COA8: variants seen among roughly 807,000 people sequenced by gnomAD.
COA8 encodes cytochrome c oxidase assembly factor 8, also known as UPF0671 protein C14orf153.
Under a neutral mutation model 22.0 loss-of-function variants are expected in COA8, and 20 were observed. That is an observed-to-expected ratio of 0.91 (90% confidence interval 0.64 to 1.32). The LOEUF (loss-of-function observed/expected upper bound fraction) is 1.32, where lower values mean the gene tolerates loss of function less well. Ranked by LOEUF, COA8 falls within the 40% of genes most tolerant of loss-of-function variation. The pLI is 0.00. For synonymous variants in COA8, 105 were observed against 79.9 expected, an observed-to-expected ratio of 1.31 and a Z score of -1.68; for missense variants, 266 against 230.0, an observed-to-expected ratio of 1.16 and a Z score of -1.01.
chr14:103,589,187 A>G (rs961320544), intron 4 of COA8, among the ~76,000 whole-genome samples: 2 of 152,152 alleles, frequency 1.3e-5, no homozygotes, highest in Admixed American at 1.3e-4. Flanking sequence ...TTGCTTTTAC[A>G]TGTCATAGAA....
rs759061929 is a variant in COA8 at position 103,563,010 on chromosome 14, C to T, written c.9C>T (p.Val3=). ...CCAGGGGGCGTGGGGCCATGGTGGTCTTGCGGGCGGGGAAGAAGACCTTTC... is the reference window on the plus strand; with the variant it reads ...CCAGGGGGCGTGGGGCCATGGTGGTTTTGCGGGCGGGGAAGAAGACCTTTC... MV[V]LRAGKKTFLP... is the part of the protein sequence containing the mutation. Residue 3 remains valine, a synonymous_variant, in exon 1 of 5, where the codon GTC becomes GTT. Transcript: ENST00000409074. 5.8e-6 allele frequency: 9 copies of T among 1,558,460 alleles called. No homozygotes were observed. Among genetic ancestry groups the T allele is most frequent in the South Asian group, 2.3e-5 (2 of 86,432 alleles).
rs139436329 is a variant in COA8 at position 103,574,222 on chromosome 14, T to A, written c.385+52T>A. The A allele has an allele frequency of 1.9e-3, 2,995 of 1,607,716 alleles. 39 individuals carry two copies. Among genetic ancestry groups the A allele is most frequent in the Admixed American group, 0.011 (644 of 59,930 alleles). On this transcript the variant is annotated intron_variant, in intron 3 of 4. Transcript: ENST00000409074. Reference sequence around the variant, plus strand: ...TTTGCTTTCTTTGCGTTTGAGCTAGTCCATGAAAAGGGAAAGGAAGGGCGG... The same window carrying A: ...TTTGCTTTCTTTGCGTTTGAGCTAGACCATGAAAAGGGAAAGGAAGGGCGG...
chr14:103,571,926 G>T, intron 2 of COA8, 106 bp downstream of exon 2: 1 of 924,734 alleles, frequency 1.1e-6, no homozygotes, highest in Non-Finnish European at 1.6e-6. Flanking sequence ...AGGAGATCGA[G>T]ACCATCCTGG....
chr14:103,580,636 G>A (rs1324595299), intron 3 of COA8, among the ~76,000 whole-genome samples: 2 of 151,802 alleles, frequency 1.3e-5, no homozygotes, highest in Admixed American at 6.6e-5. Context: ...TGGGACTACA[G>A]GTGTGTGCTA....
At position 103,581,854 on chromosome 14, in the gene COA8, G is replaced by C. The variant is rs982513805; in HGVS notation, c.386-5420G>C. ...GTGTGGCTAGGGGACAGCCGTGCTT[G>C]TGCTGTGCCGTCTGAGTGTTTGTTT... is the stretch of plus-strand genomic sequence containing the variant. On this transcript the variant is annotated intron_variant, in intron 3 of 4. Coordinates refer to ENST00000409074, the MANE Select transcript of COA8 (RefSeq NM_001370595.2). This position sits in a 1 kb window ranked among gnomAD's most constrained non-coding sequence, Gnocchi z 4.1. Among the ~76,000 whole-genome samples the C allele has an allele frequency of 3.3e-5, 5 of 152,210 alleles. No homozygotes were observed. Among genetic ancestry groups the C allele is most frequent in the African/African-American group, 1.2e-4 (5 of 41,452 alleles).
chr14:103,576,227 A>G (rs1420547459), intron 3 of COA8, among the ~76,000 whole-genome samples: 1 of 152,124 alleles, frequency 6.6e-6, no homozygotes, highest in Non-Finnish European at 1.5e-5. Context: ...AATCACTTGA[A>G]CCCAGGAGGC....
rs555945111 is a variant in COA8, at chr14:103,589,926, C to T, written c.477-255C>T. 1.8e-4 allele frequency among the ~76,000 whole-genome samples: 27 copies of T among 151,438 alleles called. No homozygotes were observed. The South Asian group carries it at 5.4e-3, about 30-fold the overall frequency. On this transcript the variant is annotated intron_variant, in intron 4 of 4. Transcript: ENST00000409074. ...GAGACTCCGTCTCAAAAAAAAAAAA[C>T]ACCAAAGGAGGATGGTGGCGGCCTC...
At position 103,590,411 on chromosome 14, in the gene COA8, T is replaced by G; in HGVS notation, c.*125T>G. On this transcript the variant is annotated 3_prime_UTR_variant, in exon 5 of 5. Coordinates refer to ENST00000409074, the MANE Select transcript of COA8 (RefSeq NM_001370595.2). The stretch of plus-strand genomic sequence containing the variant: ...CCCCACATCTTCCTAAGGGGCCCCA[T>G]GGCCTGTTTGGGGGCAGGGTAGGTC... 1.9e-5 allele frequency: 16 copies of G among 849,956 alleles called. No homozygotes were observed. Among genetic ancestry groups the G allele is most frequent in the Non-Finnish European group, 2.0e-5 (11 of 557,658 alleles). The allele number at this position is 849,956 out of a possible 1,614,324, so 52.7% of individuals were successfully genotyped here.
At chr14:103,588,473 T>G (rs910008852) in intron 4 of COA8, among the ~76,000 whole-genome samples, 10 of 139,610 alleles carry the variant, frequency 7.2e-5, no homozygotes, top group Admixed American at 2.9e-4. Flanking sequence ...AAGTAAGTAA[T>G]TAAAAAAATA....
Position 103,588,141 on chromosome 14 carries a change from C to T in COA8, c.476+777C>T, listed in dbSNP as rs1047646923. The T allele has an allele frequency of 5.4e-5, 9 of 168,112 alleles. 1 individual carries two copies. The highest frequency in any genetic ancestry group is 1.0e-4 in the East Asian group (1 of 9,830). 10.4% of individuals were successfully genotyped at this position (168,112 alleles called of 1,614,324 possible). A position where few individuals can be genotyped will look rare whatever the true frequency, so the allele number is the denominator to read the frequency against. ...CAAAAAAAAAAAAAAAAAAAAAAAA[C>T]GGGTTTTAGCTGGTTACAGATAATA... On this transcript the variant is annotated intron_variant, in intron 4 of 4. Coordinates refer to ENST00000409074, the MANE Select transcript of COA8 (RefSeq NM_001370595.2).
chr14:103,582,344 G>A (rs1028378257), intron 3 of COA8, among the ~76,000 whole-genome samples: 1 of 152,068 alleles, frequency 6.6e-6, no homozygotes, highest in East Asian at 1.9e-4. Flanking sequence ...TCCCTGTAAC[G>A]GGCTGTGGGT....
intron 1 of COA8, 189 bp downstream of exon 1, chr14:103,563,313 G>C (rs1261452405): frequency 1.3e-6 from 1 of 793,444 alleles, no homozygotes; most frequent in Non-Finnish European, 2.1e-6. Context: ...ATGGGACTGA[G>C]GGTGCCGCCG....
chr14:103,584,693 C>T (rs1439316861), intron 3 of COA8, among the ~76,000 whole-genome samples: 1 of 152,102 alleles, frequency 6.6e-6, no homozygotes, highest in Non-Finnish European at 1.5e-5. Flanking sequence ...TTGTTATTGT[C>T]TGTGTTTAAT....
intron 1 of COA8, among the ~76,000 whole-genome samples, chr14:103,563,981 C>T (rs915799912): frequency 7.4e-4 from 113 of 152,190 alleles, no homozygotes; most frequent in African/African-American, 2.6e-3. Context: ...CATGGTGAAA[C>T]GTCTCTGCTA....
intron 1 of COA8, among the ~76,000 whole-genome samples, chr14:103,565,305 G>A (rs553609665): frequency 2.0e-5 from 3 of 152,048 alleles, no homozygotes; most frequent in African/African-American, 7.2e-5. Flanking sequence ...TAAGAGTCAG[G>A]CACCATTCTT....
At chr14:103,572,585 C>A (rs2076195764) in intron 2 of COA8, among the ~76,000 whole-genome samples, 1 of 151,818 alleles carries the variant, frequency 6.6e-6, no homozygotes, top group Non-Finnish European at 1.5e-5. Context: ...TAAAAATGAG[C>A]CAGGTGTGGT....
At chr14:103,587,493 TTTTTTTC>T in intron 4 of COA8, 129 bp downstream of exon 4, 23 of 498,116 alleles carry the variant, frequency 4.6e-5, no homozygotes, top group Middle Eastern at 1.1e-3. Context: ...TATCAACTTT[TTTTTTTC>T]TTTTTTTCTT....
At chr14:103,578,329 G>A (rs770249217) in intron 3 of COA8, among the ~76,000 whole-genome samples, 1 of 152,200 alleles carries the variant, frequency 6.6e-6, no homozygotes, top group Admixed American at 6.5e-5. Context: ...GGTGGCCTAC[G>A]CACTTACTGG....
chr14:103,579,931 C>G (rs1259452561), intron 3 of COA8, among the ~76,000 whole-genome samples: 2 of 135,228 alleles, frequency 1.5e-5, no homozygotes, highest in South Asian at 2.4e-4. Flanking sequence ...CCACTGCACT[C>G]TAGCCTGGGC....
Sources: allele counts gnomAD v4.1 joint callset (sites outside exome capture counted in the v4.1 genomes callset), GRCh38; gene constraint gnomAD v4.1.1; non-coding constraint Gnocchi (gnomAD v3.1); transcripts MANE v1.5; gene names NCBI Gene and HGNC (gene_info 2026-07-23, HGNC 2026-07-21).